Variants in SPINT2 observed in about 807,000 individuals in gnomAD.
SPINT2 encodes serine peptidase inhibitor, Kunitz type 2, also known as kunitz-type protease inhibitor 2.
In SPINT2, 18 loss-of-function variants were observed where a neutral mutation model predicts 30.1. The ratio of observed to expected loss-of-function variants is 0.60; its 90% confidence interval spans 0.41 to 0.89. SPINT2 has a LOEUF of 0.89. Ranked by LOEUF, SPINT2 falls within the 40% of genes least tolerant of loss-of-function variation. The pLI, the probability that SPINT2 is intolerant of heterozygous loss-of-function variation, is 0.00. For missense variants in SPINT2, 276 were observed against 334.3 expected, an observed-to-expected ratio of 0.83 and a Z score of 1.36; for synonymous variants, 139 against 137.9, an observed-to-expected ratio of 1.01 and a Z score of -0.05.
At chr19:38,272,358 C>T (rs1968467542) in intron 1 of SPINT2, among the ~76,000 whole-genome samples, 1 of 152,042 alleles carries the variant, frequency 6.6e-6, no homozygotes, top group Non-Finnish European at 1.5e-5. Flanking sequence ...TATAGTATGT[C>T]TGTGGTGTTA....
In SPINT2 at chr19:38,285,147, G is replaced by C. The variant is rs111504903; in HGVS notation, c.277+1350G>C. Among the ~76,000 whole-genome samples, 739 of 152,216 alleles carry C rather than the reference G, an allele frequency of 4.9e-3. 7 individuals are homozygous for C. The highest frequency in any genetic ancestry group is 0.017 in the African/African-American group (714 of 41,540). ...GCGGCCCTCACCTGCGAGGAGTTCT[G>C]TGGAATCAAGGTAATTTTGACCCTG... On this transcript the variant is annotated intron_variant, in intron 2 of 6. Transcript: ENST00000301244.
chr19:38,274,101 C>T (rs1968488439), intron 1 of SPINT2, among the ~76,000 whole-genome samples: 1 of 151,958 alleles, frequency 6.6e-6, no homozygotes, highest in Admixed American at 6.6e-5. Flanking sequence ...TATGGTGGCA[C>T]ACGCCTATAG....
At chr19:38,275,927 A>G (rs1215732126) in intron 1 of SPINT2, among the ~76,000 whole-genome samples, 5 of 149,634 alleles carry the variant, frequency 3.3e-5, no homozygotes, top group Non-Finnish European at 4.4e-5. Flanking sequence ...GGGTTTCTCC[A>G]TATTGGTCAG....
intron 4 of SPINT2, 186 bp downstream of exon 4, chr19:38,289,377 A>G (rs925741647): frequency 1.2e-5 from 6 of 487,678 alleles, no homozygotes; most frequent in Middle Eastern, 6.1e-4. Context: ...CCAGCTACTC[A>G]GGAGACTGAG....
At chr19:38,288,112 G>A in intron 3 of SPINT2, 177 bp downstream of exon 3, 1 of 700,950 alleles carries the variant, frequency 1.4e-6, no homozygotes. Context: ...CCTTATGGGG[G>A]AGTTTATACT....
At chr19:38,271,353 G>A (rs1454031016) in intron 1 of SPINT2, among the ~76,000 whole-genome samples, 1 of 151,914 alleles carries the variant, frequency 6.6e-6, no homozygotes, top group African/African-American at 2.4e-5. Context: ...TTAGCCTCGC[G>A]TGGTGGCGGG....
At chr19:38,286,403 A>G (rs1208707273) in intron 2 of SPINT2, among the ~76,000 whole-genome samples, 1 of 152,226 alleles carries the variant, frequency 6.6e-6, no homozygotes, top group African/African-American at 2.4e-5. Flanking sequence ...GTTTAATAGC[A>G]TCAGGCTAGG....
Position 38,290,960 on chromosome 19 carries a change from A to G in SPINT2, c.592+385A>G. ...GGACCACGGGCCAGGGTGTTTCCCA[A>G]CACAGTCTGGTCTGAGCGGGAGGCC... On this transcript the variant is annotated intron_variant, in intron 6 of 6. Coordinates refer to ENST00000301244, the MANE Select transcript of SPINT2 (RefSeq NM_021102.4). This position sits in a 1 kb window ranked among gnomAD's most constrained non-coding sequence, Gnocchi z 4.3. 1 of 361,746 alleles carries G rather than the reference A, an allele frequency of 2.8e-6. No homozygotes were observed. Among genetic ancestry groups the G allele is most frequent in the East Asian group, 6.8e-5 (1 of 14,624 alleles). 22.4% of individuals were successfully genotyped at this position (361,746 alleles called of 1,614,324 possible). A position where few individuals can be genotyped will look rare whatever the true frequency, so the allele number is the denominator to read the frequency against.
At chr19:38,279,264 C>T (rs969843698) in intron 1 of SPINT2, among the ~76,000 whole-genome samples, 1 of 151,688 alleles carries the variant, frequency 6.6e-6, no homozygotes, top group Non-Finnish European at 1.5e-5. Context: ...TTTGGGAACC[C>T]GAGGCAGGTG....
At chr19:38,277,650 T>C (rs561719918) in intron 1 of SPINT2, among the ~76,000 whole-genome samples, 90 of 152,304 alleles carry the variant, frequency 5.9e-4, no homozygotes, top group African/African-American at 1.9e-3. Context: ...TGGTTAAAGC[T>C]CTAGTGACTT....
chr19:38,270,023 G>A (rs1272670279), intron 1 of SPINT2, among the ~76,000 whole-genome samples: 1 of 152,090 alleles, frequency 6.6e-6, no homozygotes, highest in Non-Finnish European at 1.5e-5. Flanking sequence ...ACGTGGCCCA[G>A]CCCTCTCCTG....
intron 2 of SPINT2, among the ~76,000 whole-genome samples, chr19:38,285,218 C>T (rs1227262671): frequency 3.3e-5 from 5 of 152,166 alleles, no homozygotes; most frequent in Admixed American, 2.6e-4. Flanking sequence ...CAGCAGCGTG[C>T]CCTGGCTCTT....
chr19:38,279,363 G>C (rs1184430087), intron 1 of SPINT2, among the ~76,000 whole-genome samples: 1 of 151,900 alleles, frequency 6.6e-6, no homozygotes, highest in Non-Finnish European at 1.5e-5. Flanking sequence ...CTGGTGTGAT[G>C]GCGCAGTCCT....
In SPINT2 at chr19:38,290,041, T is replaced by A; in HGVS notation, c.392-78T>A. ...TCTCCGTCTGCTGGAGCCGCAAGCC[T>A]CCTCAGGCACTTTCTGGCTTGCTTC... On this transcript the variant is annotated intron_variant, in intron 4 of 6. Coordinates refer to ENST00000301244, the MANE Select transcript of SPINT2 (RefSeq NM_021102.4). The surrounding 1 kb of genome is among the most constrained non-coding windows in gnomAD (Gnocchi z 4.3). 2 of 1,538,120 alleles carry A rather than the reference T, an allele frequency of 1.3e-6. No individual in the cohort carries two copies. The highest frequency in any genetic ancestry group is 1.8e-6 in the Non-Finnish European group (2 of 1,114,228).
rs1968729328 is a variant in SPINT2 at position 38,292,129 on chromosome 19, G to A, written c.*123G>A. On this transcript the variant is annotated 3_prime_UTR_variant, in exon 7 of 7. Coordinates refer to ENST00000301244, the MANE Select transcript of SPINT2 (RefSeq NM_021102.4). ...CTGAGGTCTGTTTCTCTGGGAGGTA[G>A]GACGGCTGCTTCCTGGTCTGGCAGG... The A allele has an allele frequency of 3.6e-6, 5 of 1,383,172 alleles. No individual in the cohort carries two copies. Among genetic ancestry groups the A allele is most frequent in the Admixed American group, 4.0e-5 (2 of 50,200 alleles). The allele number at this position is 1,383,172 out of a possible 1,614,324, so 85.7% of individuals were successfully genotyped here.
At chr19:38,267,148 C>T (rs549266678) in intron 1 of SPINT2, among the ~76,000 whole-genome samples, 4 of 152,336 alleles carry the variant, frequency 2.6e-5, no homozygotes, top group East Asian at 1.9e-4. Context: ...CTGCTGCTGC[C>T]GACTGGACCT....
At chr19:38,269,101 T>C (rs569317005) in intron 1 of SPINT2, among the ~76,000 whole-genome samples, 56 of 151,078 alleles carry the variant, frequency 3.7e-4, no homozygotes, top group African/African-American at 1.2e-3. Context: ...GTTTTTGTTT[T>C]TTTGGGTTTT....
In SPINT2 at chr19:38,291,701, TC is replaced by T. The variant is rs1439363158; in HGVS notation, c.593-138del. The T allele has an allele frequency of 6.6e-6, 7 of 1,061,164 alleles. No homozygotes were observed. The East Asian group carries it at 7.8e-5, about 12-fold the overall frequency. The allele number at this position is 1,061,164 out of a possible 1,614,324, so 65.7% of individuals were successfully genotyped here. ...AGGCTGTGTCCTCTCCAGCTGCAGT[TC>T]TGGACCCTGTCTGGGTTGGGGAGGG... On this transcript the variant is annotated intron_variant, in intron 6 of 6. Coordinates refer to ENST00000301244, the MANE Select transcript of SPINT2 (RefSeq NM_021102.4).
rs757387158 is a variant in SPINT2 at position 38,292,000 on chromosome 19, C to T, written c.753C>T (p.Val251=). ...DKEQLVKNTY[V]L ...AGCAGCTGGTGAAGAACACATATGT[C>T]CTGTGACCGCCCTGTCGCCAAGAGG... The change falls in exon 7 of 7, where the codon GTC becomes GTT. Residue 251 remains valine, a synonymous_variant. Coordinates refer to ENST00000301244, the MANE Select transcript of SPINT2 (RefSeq NM_021102.4). 6.2e-7 allele frequency: 1 copy of T among 1,614,010 alleles called. No individual in the cohort carries two copies. Among genetic ancestry groups the T allele is most frequent in the East Asian group, 2.2e-5 (1 of 44,876 alleles).
Sources: gnomAD v4.1 joint callset for allele counts (sites outside exome capture counted in the v4.1 genomes callset) on GRCh38, gnomAD v4.1.1 for gene constraint, Gnocchi (gnomAD v3.1) non-coding constraint, MANE v1.5 for transcripts, NCBI Gene and HGNC (gene_info 2026-07-23, HGNC 2026-07-21) for gene names.